SEC24B: variants seen among roughly 807,000 people sequenced by gnomAD.
SEC24B encodes the protein SEC24 homolog B, COPII component.
SEC24B carries 45 observed loss-of-function variants against 142.8 expected under a neutral mutation model. The ratio of observed to expected loss-of-function variants is 0.32; its 90% confidence interval spans 0.25 to 0.40. The LOEUF is 0.40. Ranked by LOEUF, SEC24B falls within the 10% of genes least tolerant of loss-of-function variation. SEC24B has a pLI of 1.00. For missense variants in SEC24B, 1,409 were observed against 1,526.8 expected, an observed-to-expected ratio of 0.92 and a Z score of 1.29; for synonymous variants, 574 against 568.2, an observed-to-expected ratio of 1.01 and a Z score of -0.15.
In SEC24B at chr4:109,514,194, T is replaced by G. The variant is rs558202489; in HGVS notation, c.2013+338T>G. ...ACTCTCAAAACAGAGAAATGCACAT[T>G]TTTGCCCAAAACTTAAGTTTTTTCA... On this transcript the variant is annotated intron_variant, in intron 10 of 23. Coordinates refer to ENST00000265175, the MANE Select transcript of SEC24B (RefSeq NM_006323.5). Among the ~76,000 whole-genome samples, 18 of 152,284 alleles carry G rather than the reference T, an allele frequency of 1.2e-4. No homozygotes were observed. In the South Asian group the frequency reaches 3.7e-3, roughly 32 times the overall value.
intron 1 of SEC24B, among the ~76,000 whole-genome samples, chr4:109,443,489 A>G (rs1194336049): frequency 6.6e-6 from 1 of 152,074 alleles, no homozygotes; most frequent in Non-Finnish European, 1.5e-5. Context: ...TGACCCTCCA[A>G]CCTCTGCCTC....
intron 7 of SEC24B, among the ~76,000 whole-genome samples, chr4:109,508,923 C>G (rs1196592406): frequency 6.6e-6 from 1 of 152,204 alleles, no homozygotes; most frequent in Non-Finnish European, 1.5e-5. Flanking sequence ...GAACAAAACA[C>G]AGTTCCTGAT....
At chr4:109,434,857 G>A (rs1449710503) in intron 1 of SEC24B, among the ~76,000 whole-genome samples, 5 of 152,172 alleles carry the variant, frequency 3.3e-5, no homozygotes, top group African/African-American at 1.2e-4. Context: ...TTCATATTAA[G>A]GTCGTGGGCT....
chr4:109,437,693 C>T (rs1211328882), intron 1 of SEC24B, among the ~76,000 whole-genome samples: 1 of 152,066 alleles, frequency 6.6e-6, no homozygotes, highest in African/African-American at 2.4e-5. Context: ...GGCACGATCT[C>T]AGCTCACTGC....
chr4:109,509,012 C>A (rs530852137), intron 7 of SEC24B, among the ~76,000 whole-genome samples: 1 of 152,142 alleles, frequency 6.6e-6, no homozygotes, highest in Admixed American at 6.5e-5. Context: ...TAGGGTATTA[C>A]AATGAAGAAA....
chr4:109,539,082 C>T (rs1725890773), intron 23 of SEC24B, among the ~76,000 whole-genome samples: 2 of 152,144 alleles, frequency 1.3e-5, no homozygotes, highest in African/African-American at 2.4e-5. Context: ...CTGCCTCAGC[C>T]TCCCAAGTAG....
Position 109,482,957 on chromosome 4 carries a change from T to C in SEC24B, c.1165+1176T>C, listed in dbSNP as rs1197764458. ...TGTACTATATATATATATATATATA[T>C]ATATATATATATATATATATATACA... On this transcript the variant is annotated intron_variant, in intron 4 of 23. Transcript: ENST00000265175. Among the ~76,000 whole-genome samples the C allele has an allele frequency of 5.2e-3, 277 of 53,460 alleles. 12 individuals are homozygous for C. The highest frequency in any genetic ancestry group is 0.042 in the African/African-American group (261 of 6,216). The allele number at this position is 53,460 out of a possible 152,430, so 35.1% of individuals were successfully genotyped here. A position where few individuals can be genotyped will look rare whatever the true frequency, so the allele number is the denominator to read the frequency against.
intron 6 of SEC24B, among the ~76,000 whole-genome samples, chr4:109,497,689 G>T (rs372887914): frequency 1.3e-5 from 2 of 152,014 alleles, no homozygotes; most frequent in Non-Finnish European, 2.9e-5. Flanking sequence ...CATGTGAATA[G>T]ACCAGTTTGT....
Position 109,527,386 on chromosome 4 carries a change from T to C in SEC24B, c.3030T>C (p.Tyr1010=). The change falls in exon 18 of 24, where the codon TAT becomes TAC. Residue 1010 remains tyrosine (Y), a synonymous_variant. Transcript: ENST00000265175. ...LPVVSSLADV[Y]AGVDVQAAIC... ...TGGTAAGTTCACTAGCAGATGTATA[T>C]GCGGGAGTGGATGTACAAGCTGCCA... 1 of 1,613,854 alleles carries C rather than the reference T, an allele frequency of 6.2e-7. No homozygotes were observed. The highest frequency in any genetic ancestry group is 8.5e-7 in the Non-Finnish European group (1 of 1,179,814).
intron 1 of SEC24B, among the ~76,000 whole-genome samples, chr4:109,444,214 CA>C (rs539104834): frequency 0.19 from 14,991 of 80,108 alleles, 673 homozygotes; most frequent in Middle Eastern, 0.33. Flanking sequence ...AACTCCATCT[CA>C]AAAAAAAAAA....
At chr4:109,484,251 G>A (rs1734116670) in intron 4 of SEC24B, among the ~76,000 whole-genome samples, 2 of 152,074 alleles carry the variant, frequency 1.3e-5, no homozygotes, top group African/African-American at 4.8e-5. Flanking sequence ...TTTGTAAAAT[G>A]TTCCCCAGTG....
intron 1 of SEC24B, among the ~76,000 whole-genome samples, chr4:109,443,087 C>T (rs1353230056): frequency 6.6e-6 from 1 of 152,188 alleles, no homozygotes. Context: ...TTCCCAGTGT[C>T]ACATGCTCCC....
chr4:109,480,275 G>GA (rs916699887), intron 3 of SEC24B, among the ~76,000 whole-genome samples: 49 of 149,216 alleles, frequency 3.3e-4, no homozygotes, highest in African/African-American at 1.2e-3. Flanking sequence ...CTAGTCACCT[G>GA]AAAAAAAAAT....
chr4:109,483,987 A>C (rs1354546676), intron 4 of SEC24B, among the ~76,000 whole-genome samples: 1 of 152,246 alleles, frequency 6.6e-6, no homozygotes, highest in Non-Finnish European at 1.5e-5. Context: ...TTTCCTAATC[A>C]TAAGGTCAGT....
At chr4:109,489,873 T>C (rs973936587) in intron 4 of SEC24B, among the ~76,000 whole-genome samples, 2 of 151,836 alleles carry the variant, frequency 1.3e-5, no homozygotes, top group African/African-American at 2.4e-5. Context: ...TGACCTGATA[T>C]ATCAGCATTC....
intron 1 of SEC24B, among the ~76,000 whole-genome samples, chr4:109,459,611 C>T (rs751254113): frequency 1.4e-4 from 21 of 152,106 alleles, no homozygotes; most frequent in Non-Finnish European, 2.8e-4. Flanking sequence ...CCCATGTTTT[C>T]CTGGAGTAAG....
At chr4:109,447,346 G>A (rs80060589) in intron 1 of SEC24B, among the ~76,000 whole-genome samples, 1 of 26,792 alleles carries the variant, frequency 3.7e-5, no homozygotes, top group East Asian at 0.014. Flanking sequence ...TAAAAAAAAA[G>A]TTTCAAAAAA....
At chr4:109,484,491 G>A (rs1333407602) in intron 4 of SEC24B, among the ~76,000 whole-genome samples, 2 of 152,192 alleles carry the variant, frequency 1.3e-5, no homozygotes, top group East Asian at 1.9e-4. Flanking sequence ...TCATTTGTGA[G>A]GAGTTTCTTT....
intron 3 of SEC24B, among the ~76,000 whole-genome samples, chr4:109,480,758 C>A (rs139999982): frequency 6.6e-6 from 1 of 152,210 alleles, no homozygotes. Flanking sequence ...GGATTACAGG[C>A]GTGAGCCACC....
Sources: allele counts gnomAD v4.1 joint callset (sites outside exome capture counted in the v4.1 genomes callset), GRCh38; gene constraint gnomAD v4.1.1; transcripts MANE v1.5; gene names NCBI Gene and HGNC (gene_info 2026-07-23, HGNC 2026-07-21).